The following ASCC3 variants were observed in gnomAD, a reference collection of about 807,000 sequenced individuals.
The protein encoded by ASCC3 is activating signal cointegrator 1 complex subunit 3.
Under a neutral mutation model 256.3 loss-of-function variants are expected in ASCC3, and 158 were observed. That is an observed-to-expected ratio of 0.62 (90% CI 0.54 to 0.70). ASCC3 has a LOEUF of 0.70. Among genes scored for constraint, ASCC3 ranks in the 30% least tolerant of loss-of-function variants. ASCC3 has a pLI of 0.00. For missense variants in ASCC3, 2,259 were observed against 2,626.0 expected (o/e 0.86, Z 3.05); for synonymous variants, 948 against 883.4 (o/e 1.07, Z -1.30).
In ASCC3 at chr6:100,807,354, G is replaced by A. The variant is rs12663536; in HGVS notation, c.802-1474C>T. 0.014 allele frequency among the ~76,000 whole-genome samples: 1,871 copies of A among 133,854 alleles called. 97 individuals are homozygous for A. In the East Asian group the frequency reaches 0.17, roughly 12 times the overall value. 87.8% of individuals were successfully genotyped at this position (133,854 alleles called of 152,430 possible). A position where few individuals can be genotyped will look rare whatever the true frequency, so the allele number is the denominator to read the frequency against. On this transcript the variant is annotated intron_variant, in intron 4 of 41. Coordinates refer to ENST00000369162, the MANE Select transcript of ASCC3 (RefSeq NM_006828.4). ...TATGTGGCAGAAAGGGTTTAGGACA[G>A]ACAAGGATAAAGGATGCTGGTAGAC...
chr6:100,841,357 TA>T (rs1316725604), intron 4 of ASCC3, among the ~76,000 whole-genome samples: 1 of 150,576 alleles, frequency 6.6e-6, no homozygotes, highest in African/African-American at 2.5e-5. Context: ...TAAAAAATAG[TA>T]AGTGTCAGAT....
chr6:100,557,823 T>C (rs1420996639), intron 36 of ASCC3, among the ~76,000 whole-genome samples: 1 of 152,092 alleles, frequency 6.6e-6, no homozygotes, highest in Admixed American at 6.6e-5. Context: ...AACTTGATTG[T>C]ATATTTTAAA....
intron 4 of ASCC3, among the ~76,000 whole-genome samples, chr6:100,837,527 C>G (rs1771934151): frequency 6.6e-6 from 1 of 151,972 alleles, no homozygotes; most frequent in Admixed American, 6.6e-5. Flanking sequence ...ATAGTATATA[C>G]ACAATGGAAT....
intron 13 of ASCC3, among the ~76,000 whole-genome samples, chr6:100,713,833 A>G (rs182524457): frequency 5.2e-4 from 79 of 152,348 alleles, no homozygotes; most frequent in African/African-American, 1.8e-3. Context: ...CTAACAATAT[A>G]GTTTATATAT....
intron 13 of ASCC3, among the ~76,000 whole-genome samples, chr6:100,689,147 G>A (rs1277794733): frequency 4.6e-5 from 7 of 152,056 alleles, no homozygotes; most frequent in South Asian, 2.1e-4. Flanking sequence ...CTCCAATCTC[G>A]CCAGGGAAAA....
chr6:100,629,117 C>G lies in ASCC3; in HGVS notation c.4273G>C (p.Val1425Leu), dbSNP rs749407275. ...CCATCCCACTTCTCTGGCGTAGTGA[C>G]GATAAGGTCAGCCTTGGCAATGGAT... ...MKSIAKADLI[V>L]TTPEKWDGVS... Residue 1425 changes from valine to leucine, a missense_variant, in exon 27 of 42, where the codon GTC becomes CTC. Transcript: ENST00000369162. 7.4e-6 allele frequency: 12 copies of G among 1,613,646 alleles called. No homozygotes were observed. The highest frequency in any genetic ancestry group is 1.3e-5 in the African/African-American group (1 of 74,886).
chr6:100,594,301 G>A (rs1772166851), intron 34 of ASCC3, among the ~76,000 whole-genome samples: 1 of 151,982 alleles, frequency 6.6e-6, no homozygotes. Flanking sequence ...CCTTCCCAAG[G>A]AAAGTCAAAT....
At chr6:100,608,103 T>A (rs1323426455) in intron 30 of ASCC3, among the ~76,000 whole-genome samples, 1 of 129,886 alleles carries the variant, frequency 7.7e-6, no homozygotes, top group East Asian at 2.2e-4. Flanking sequence ...TATACACATA[T>A]ATATGTATAT....
intron 11 of ASCC3, among the ~76,000 whole-genome samples, chr6:100,723,396 GAAC>G (rs995945679): frequency 6.6e-5 from 10 of 151,498 alleles, no homozygotes; most frequent in Admixed American, 4.0e-4. Context: ...ATATTGCATA[GAAC>G]AACAAGATTA....
intron 1 of ASCC3, among the ~76,000 whole-genome samples, chr6:100,879,529 G>A (rs138242630): frequency 1.6e-4 from 24 of 152,142 alleles, no homozygotes; most frequent in African/African-American, 3.4e-4. Flanking sequence ...AATGGGGCCC[G>A]TAATCCCAGC....
In ASCC3 at chr6:100,530,921, CT is replaced by C. The variant is rs1321595500; in HGVS notation, c.5775+9241del. 3 of 1,340,136 alleles carry C rather than the reference CT, an allele frequency of 2.2e-6. No homozygotes were observed. In the African/African-American group the frequency reaches 4.3e-5, roughly 19 times the overall value. 83.0% of individuals were successfully genotyped at this position (1,340,136 alleles called of 1,614,324 possible). ...AATACCAAAAGACACTTGGAATCTT[CT>C]TTTAGACTTCAGTACAGTGATTGCA... On this transcript the variant is annotated intron_variant, in intron 37 of 41. Coordinates refer to ENST00000369162, the MANE Select transcript of ASCC3 (RefSeq NM_006828.4).
chr6:100,599,298 A>T (rs184413111), intron 34 of ASCC3, among the ~76,000 whole-genome samples: 57 of 152,294 alleles, frequency 3.7e-4, no homozygotes, highest in African/African-American at 1.3e-3. Context: ...ATTTGAATTT[A>T]GTGATGAGGA....
rs186707685 is a variant in ASCC3, at chr6:100,670,855, G to T, written c.2287-8319C>A. The stretch of plus-strand genomic sequence containing the variant: ...CTAATGTATATCATTGCAAGAGTAG[G>T]AGCGAAAATGTGTACTGCAGCATTG... On this transcript the variant is annotated intron_variant, in intron 14 of 41. Transcript: ENST00000369162. Among the ~76,000 whole-genome samples, 161 of 152,056 alleles carry T rather than the reference G, an allele frequency of 1.1e-3. 1 individual carries two copies. Among genetic ancestry groups the T allele is most frequent in the South Asian group, 4.4e-3 (21 of 4,824 alleles).
Position 100,509,157 on chromosome 6 carries a change from A to AT in ASCC3, c.*228dup. ...TATTCTAAATGCTTTTTCATCTTAC[A>AT]TATCAAGAAACTCATAAAGATAACA... On this transcript the variant is annotated 3_prime_UTR_variant, in exon 42 of 42. Transcript: ENST00000369162. 1.8e-6 allele frequency: 1 copy of AT among 549,806 alleles called. No individual in the cohort carries two copies. Among genetic ancestry groups the AT allele is most frequent in the South Asian group, 2.0e-5 (1 of 48,890 alleles). 34.1% of individuals were successfully genotyped at this position (549,806 alleles called of 1,614,324 possible). A position where few individuals can be genotyped will look rare whatever the true frequency, so the allele number is the denominator to read the frequency against.
chr6:100,512,426 A>C lies in ASCC3; in HGVS notation c.6285+283T>G, dbSNP rs924097020. On this transcript the variant is annotated intron_variant, in intron 40 of 41. Coordinates refer to ENST00000369162, the MANE Select transcript of ASCC3 (RefSeq NM_006828.4). ...AGTGGGGCCAAGGAATCTGCACTTT[A>C]AAAGGCACTCCAGGAAATTCTGCTG... Among the ~76,000 whole-genome samples, 4 of 152,192 alleles carry C rather than the reference A, an allele frequency of 2.6e-5. No individual in the cohort carries two copies. The South Asian group carries it at 8.3e-4, about 31-fold the overall frequency.
At position 100,515,389 on chromosome 6, in the gene ASCC3, GA is replaced by G. The variant is rs1263397890; in HGVS notation, c.6075+790del. ...CTTGCTCAAAAATAAGTTCCACTTG[GA>G]AAAAAAAAGACACGGTTTAGAAGTT... On this transcript the variant is annotated intron_variant, in intron 39 of 41. Coordinates refer to ENST00000369162, the MANE Select transcript of ASCC3 (RefSeq NM_006828.4). Among the ~76,000 whole-genome samples, 5 of 150,204 alleles carry G rather than the reference GA, an allele frequency of 3.3e-5. No homozygotes were observed. The East Asian group carries it at 9.7e-4, about 29-fold the overall frequency.
intron 16 of ASCC3, among the ~76,000 whole-genome samples, chr6:100,659,900 A>G (rs977250493): frequency 1.3e-5 from 2 of 151,668 alleles, no homozygotes; most frequent in African/African-American, 4.8e-5. Context: ...CTTACATACT[A>G]CATACATTTT....
chr6:100,650,550 TG>T lies in ASCC3; in HGVS notation c.3239del (p.Ala1080AspfsTer19), dbSNP rs1236499664. 6.2e-7 allele frequency: 1 copy of T among 1,612,618 alleles called. No homozygotes were observed. The highest frequency in any genetic ancestry group is 1.1e-5 in the South Asian group (1 of 91,058). ...ATAAGATACTTACCTGTGCAACATATGCAGAATCTGATATAAGGGAGAAACT... is the reference window on the plus strand; with the variant it reads ...ATAAGATACTTACCTGTGCAACATATCAGAATCTGATATAAGGGAGAAACT... Reference protein sequence around the residue: ...MDSFSLISDSAYVAQNAARIV... With the variant: ...MDSFSLISDSXYVAQNAARIV... On this transcript the variant is annotated frameshift_variant, in exon 20 of 42. Transcript: ENST00000369162. LOFTEE classifies it high-confidence loss of function.
chr6:100,542,857 T>A (rs1161578158), intron 36 of ASCC3, among the ~76,000 whole-genome samples: 1 of 134,508 alleles, frequency 7.4e-6, no homozygotes, highest in African/African-American at 2.8e-5. Flanking sequence ...TTATACCAGA[T>A]GAAAATATGG....
Sources: gnomAD v4.1 joint callset for allele counts (sites outside exome capture counted in the v4.1 genomes callset) on GRCh38, gnomAD v4.1.1 for gene constraint, MANE v1.5 for transcripts, NCBI Gene and HGNC (gene_info 2026-07-23, HGNC 2026-07-21) for gene names.